The following PTPRD variants were observed in gnomAD, a reference collection of about 807,000 sequenced individuals.
PTPRD encodes receptor-type tyrosine-protein phosphatase delta.
A neutral mutation model predicts 214.5 loss-of-function variants in PTPRD; 34 were observed. The observed-to-expected ratio is 0.16, with a 90% CI of 0.12 to 0.21. PTPRD has a LOEUF of 0.21. Ranked by LOEUF, PTPRD falls within the 10% of genes least tolerant of loss-of-function variation. PTPRD has a pLI of 1.00. For missense variants in PTPRD, 2,545 were observed against 2,398.7 expected, an observed-to-expected ratio of 1.06 and a Z score of -1.27; for synonymous variants, 1,128 against 845.7, an observed-to-expected ratio of 1.33 and a Z score of -5.79.
chr9:8,497,972 G>A (rs1182217527), intron 25 of PTPRD, among the ~76,000 whole-genome samples: 1 of 152,144 alleles, frequency 6.6e-6, no homozygotes, highest in African/African-American at 2.4e-5. Flanking sequence ...ATAAAACGTA[G>A]CAATGATGGC....
chr9:9,323,055 T>C (rs1967386648), intron 9 of PTPRD, among the ~76,000 whole-genome samples: 1 of 152,148 alleles, frequency 6.6e-6, no homozygotes, highest in Admixed American at 6.5e-5. Flanking sequence ...TTTACAATTT[T>C]TTTTGCAACA....
chr9:9,751,964 G>C (rs1469182942), intron 6 of PTPRD, among the ~76,000 whole-genome samples: 1 of 152,168 alleles, frequency 6.6e-6, no homozygotes, highest in South Asian at 2.1e-4. Context: ...GGGATATTTT[G>C]AAACATAACC....
Position 8,355,809 on chromosome 9 carries a change from A to T in PTPRD, c.4662-13831T>A, listed in dbSNP as rs776093077. ...TCTTATTCAGTAAGTCTGGGGTGGG[A>T]CCAAAGATTGTGCATTTCCAACAAG... is the stretch of plus-strand genomic sequence containing the variant. On this transcript the variant is annotated intron_variant, in intron 39 of 45. Transcript: ENST00000381196. Among the ~76,000 whole-genome samples the T allele has an allele frequency of 8.5e-5, 13 of 152,282 alleles. No individual in the cohort carries two copies. In the South Asian group the frequency reaches 2.3e-3, roughly 27 times the overall value.
chr9:9,847,713 G>A (rs1043145557), intron 5 of PTPRD, among the ~76,000 whole-genome samples: 10 of 152,112 alleles, frequency 6.6e-5, no homozygotes, highest in African/African-American at 2.4e-4. Flanking sequence ...CTCTTGACCA[G>A]GAAACCTAAT....
chr9:10,363,269 A>G (rs990450072), intron 2 of PTPRD, among the ~76,000 whole-genome samples: 3 of 152,240 alleles, frequency 2.0e-5, no homozygotes, highest in Non-Finnish European at 4.4e-5. Context: ...CTATTGGTCC[A>G]AGGACAACTC....
At chr9:9,317,189 G>C (rs1056175944) in intron 9 of PTPRD, among the ~76,000 whole-genome samples, 2 of 152,024 alleles carry the variant, frequency 1.3e-5, no homozygotes, top group African/African-American at 2.4e-5. Flanking sequence ...TATGTTTCAG[G>C]TTTTGTCCTC....
rs777910266 is a variant in PTPRD at position 9,058,442 on chromosome 9, G to GTTTTTTTTTTTTTTTT, written c.-142-39723_-142-39708dup. Among the ~76,000 whole-genome samples, 357 of 69,894 alleles carry GTTTTTTTTTTTTTTTT rather than the reference G, an allele frequency of 5.1e-3. 123 individuals are homozygous for GTTTTTTTTTTTTTTTT. The highest frequency in any genetic ancestry group is 7.6e-3 in the Non-Finnish European group (291 of 38,068). The allele number at this position is 69,894 out of a possible 152,430, so 45.9% of individuals were successfully genotyped here. On this transcript the variant is annotated intron_variant, in intron 10 of 45. Transcript: ENST00000381196. ...TATTGGTGAGAGAAATATTATGAGG[G>GTTTTTTTTTTTTTTTT]TTTTTTTTTTTTTTTTTTTTTTTTT...
At chr9:8,940,705 G>A (rs1177812212) in intron 11 of PTPRD, among the ~76,000 whole-genome samples, 1 of 151,960 alleles carries the variant, frequency 6.6e-6, no homozygotes, top group Admixed American at 6.6e-5. Context: ...GCTGGTTGGA[G>A]ACACTCTCCA....
intron 11 of PTPRD, among the ~76,000 whole-genome samples, chr9:8,782,415 A>C (rs1383536883): frequency 6.6e-6 from 1 of 152,086 alleles, no homozygotes; most frequent in Non-Finnish European, 1.5e-5. Flanking sequence ...TAACTGTGTC[A>C]CCATGTTGTG....
At chr9:10,181,127 G>A (rs1199563678) in intron 3 of PTPRD, among the ~76,000 whole-genome samples, 2 of 151,988 alleles carry the variant, frequency 1.3e-5, no homozygotes, top group South Asian at 2.1e-4. Flanking sequence ...ACAAATATTT[G>A]TTAATGAATG....
At chr9:10,266,651 ATACT>A (rs2094081540) in intron 3 of PTPRD, among the ~76,000 whole-genome samples, 1 of 152,162 alleles carries the variant, frequency 6.6e-6, no homozygotes, top group South Asian at 2.1e-4. Flanking sequence ...TGTAAAGAGA[ATACT>A]TAGCAAGGAC....
At chr9:9,088,074 G>A (rs1432372721) in intron 10 of PTPRD, among the ~76,000 whole-genome samples, 9 of 150,648 alleles carry the variant, frequency 6.0e-5, no homozygotes, top group Non-Finnish European at 1.2e-4. Flanking sequence ...TAGACACGGG[G>A]TTTCACCAAG....
At chr9:10,266,146 C>G (rs936838260) in intron 3 of PTPRD, among the ~76,000 whole-genome samples, 1 of 152,088 alleles carries the variant, frequency 6.6e-6, no homozygotes, top group African/African-American at 2.4e-5. Context: ...CACACATACA[C>G]ACACACAGAC....
intron 11 of PTPRD, among the ~76,000 whole-genome samples, chr9:8,749,972 G>A (rs891257164): frequency 1.3e-5 from 2 of 151,778 alleles, no homozygotes; most frequent in Non-Finnish European, 1.5e-5. Context: ...CTGTGGTGGC[G>A]GTCGCCTGTA....
intron 3 of PTPRD, among the ~76,000 whole-genome samples, chr9:10,151,087 A>G (rs2099057684): frequency 7.7e-6 from 1 of 129,724 alleles, no homozygotes; most frequent in Non-Finnish European, 1.6e-5. Context: ...TTGAGACAAG[A>G]GTCTTGCTCT....
chr9:8,442,992 T>A (rs1031059963), intron 34 of PTPRD, among the ~76,000 whole-genome samples: 5 of 152,162 alleles, frequency 3.3e-5, no homozygotes, highest in African/African-American at 1.2e-4. Context: ...AAAATTTTTT[T>A]AAATGAACCG....
chr9:8,402,573 T>A (rs764557010), intron 36 of PTPRD, among the ~76,000 whole-genome samples: 2 of 152,184 alleles, frequency 1.3e-5, no homozygotes, highest in Non-Finnish European at 2.9e-5. Context: ...TTCATTTATT[T>A]TATTTCAATA....
Position 10,542,829 on chromosome 9 carries a change from C to T in PTPRD, c.-600+69569G>A, listed in dbSNP as rs546365759. Among the ~76,000 whole-genome samples the T allele has an allele frequency of 3.9e-3, 599 of 152,270 alleles. 6 individuals carry two copies. The highest frequency in any genetic ancestry group is 0.013 in the African/African-American group (561 of 41,560). On this transcript the variant is annotated intron_variant, in intron 2 of 45. Transcript: ENST00000381196. ...CGCCTCCTGGGTTCAAGCAATTCTCCTGCCTCAGTCTCCTGAGTAGCTGGG... is the reference window on the plus strand; with the variant it reads ...CGCCTCCTGGGTTCAAGCAATTCTCTTGCCTCAGTCTCCTGAGTAGCTGGG...
chr9:9,687,792 A>G (rs757279602), intron 7 of PTPRD, among the ~76,000 whole-genome samples: 3 of 151,846 alleles, frequency 2.0e-5, no homozygotes, highest in African/African-American at 4.8e-5. Context: ...CTTCAGGTCT[A>G]CTTATGAGAT....
Sources: allele counts gnomAD v4.1 joint callset (sites outside exome capture counted in the v4.1 genomes callset), GRCh38; gene constraint gnomAD v4.1.1; transcripts MANE v1.5; gene names NCBI Gene and HGNC (gene_info 2026-07-23, HGNC 2026-07-21).